Variants in TRPC4AP observed in about 807,000 individuals in gnomAD.
TRPC4AP encodes transient receptor potential cation channel subfamily C member 4 associated protein, also known as short transient receptor potential channel 4-associated protein.
In TRPC4AP, 45 loss-of-function variants were observed where a neutral mutation model predicts 99.0. The observed-to-expected ratio is 0.45, with a 90% CI of 0.36 to 0.58. The LOEUF is 0.58. Ranked by LOEUF, TRPC4AP falls within the 20% of genes least tolerant of loss-of-function variation. The pLI is 0.00. For missense variants in TRPC4AP, 879 were observed against 985.3 expected (o/e 0.89, Z 1.44); for synonymous variants, 408 against 385.8 (o/e 1.06, Z -0.67).
intron 6 of TRPC4AP, among the ~76,000 whole-genome samples, chr20:35,045,193 T>C (rs1480081481): frequency 2.0e-5 from 3 of 152,224 alleles, no homozygotes; most frequent in East Asian, 1.9e-4. Flanking sequence ...GTGTTTATTA[T>C]TCCCGTGCAT....
intron 9 of TRPC4AP, 143 bp from the exon 10 acceptor site, chr20:35,016,282 T>C (rs911577671): frequency 2.1e-6 from 2 of 936,130 alleles, no homozygotes; most frequent in African/African-American, 3.3e-5. Flanking sequence ...GAAGAAAACA[T>C]CCGTGTATCC....
chr20:35,070,512 G>C (rs1169299621), intron 2 of TRPC4AP, among the ~76,000 whole-genome samples: 1 of 151,666 alleles, frequency 6.6e-6, no homozygotes, highest in Admixed American at 6.6e-5. Flanking sequence ...CCGGGTTCAC[G>C]CCATTCTCCT....
In TRPC4AP at chr20:35,086,483, GTGTATA is replaced by G. The variant is rs1483742858; in HGVS notation, c.168+6125_168+6130del. 3.2e-3 allele frequency among the ~76,000 whole-genome samples: 371 copies of G among 117,086 alleles called. 27 individuals carry two copies. Among genetic ancestry groups the G allele is most frequent in the African/African-American group, 0.014 (350 of 25,242 alleles). 76.8% of individuals were successfully genotyped at this position (117,086 alleles called of 152,430 possible). A position where few individuals can be genotyped will look rare whatever the true frequency, so the allele number is the denominator to read the frequency against. On this transcript the variant is annotated intron_variant, in intron 1 of 18. Coordinates refer to ENST00000252015, the MANE Select transcript of TRPC4AP (RefSeq NM_015638.3). Reference sequence around the variant, plus strand: ...TGTGTGTGTGTGTGTGTGTATGTGTGTGTATATATATATGTGTATATATATGTGTGT... The same window carrying G: ...TGTGTGTGTGTGTGTGTGTATGTGTGTATATATGTGTATATATATGTGTGT...
At chr20:35,080,791 C>A (rs1487589404) in intron 1 of TRPC4AP, among the ~76,000 whole-genome samples, 1 of 111,216 alleles carries the variant, frequency 9.0e-6, no homozygotes, top group Non-Finnish European at 1.8e-5. Flanking sequence ...AAACCACTGA[C>A]TTGTACACTT....
intron 8 of TRPC4AP, among the ~76,000 whole-genome samples, chr20:35,034,649 G>A (rs2147335446): frequency 6.6e-6 from 1 of 152,250 alleles, no homozygotes; most frequent in Middle Eastern, 3.4e-3. Context: ...TTAAGGCTGG[G>A]CACCTAACCA....
intron 2 of TRPC4AP, among the ~76,000 whole-genome samples, chr20:35,077,053 C>T (rs1178190296): frequency 6.6e-6 from 1 of 152,180 alleles, no homozygotes; most frequent in African/African-American, 2.4e-5. Flanking sequence ...GGGCATGGGA[C>T]CCTCCAAGCC....
chr20:35,083,890 A>G (rs1056686378), intron 1 of TRPC4AP, among the ~76,000 whole-genome samples: 51 of 151,992 alleles, frequency 3.4e-4, no homozygotes, highest in Admixed American at 2.6e-3. Flanking sequence ...TAGCAGACCT[A>G]GTAAGCAGCT....
intron 1 of TRPC4AP, among the ~76,000 whole-genome samples, chr20:35,086,131 T>C (rs1234497023): frequency 1.3e-5 from 2 of 151,470 alleles, no homozygotes; most frequent in African/African-American, 4.9e-5. Context: ...TAATTTTTTG[T>C]ATTTTTAGTA....
intron 8 of TRPC4AP, among the ~76,000 whole-genome samples, chr20:35,026,243 G>C (rs2083028592): frequency 6.7e-6 from 1 of 150,312 alleles, no homozygotes; most frequent in East Asian, 2.0e-4. Flanking sequence ...TTGAGACAGA[G>C]TCTTGCTGTC....
intron 1 of TRPC4AP, among the ~76,000 whole-genome samples, chr20:35,086,529 G>GTATATATATA (rs1203240787): frequency 1.2e-3 from 27 of 22,852 alleles, no homozygotes; most frequent in African/African-American, 8.4e-3. Flanking sequence ...GTATATATGT[G>GTATATATATA]TGTGTGTGTG....
chr20:35,013,729 G>C (rs1451556768), intron 10 of TRPC4AP, among the ~76,000 whole-genome samples: 2 of 152,210 alleles, frequency 1.3e-5, no homozygotes, highest in South Asian at 2.1e-4. Context: ...GAGAGGTGGA[G>C]ACAAGACCTA....
intron 1 of TRPC4AP, among the ~76,000 whole-genome samples, chr20:35,084,848 T>C (rs1354031701): frequency 6.6e-6 from 1 of 151,838 alleles, no homozygotes; most frequent in African/African-American, 2.4e-5. Context: ...TACAAAAAAA[T>C]TATATAAAAC....
intron 8 of TRPC4AP, among the ~76,000 whole-genome samples, chr20:35,022,663 A>G (rs2082921173): frequency 6.6e-6 from 1 of 152,142 alleles, no homozygotes; most frequent in African/African-American, 2.4e-5. Flanking sequence ...GTTATCAGAT[A>G]TATTCAGGTA....
rs8501 is a variant in TRPC4AP, at chr20:35,002,781, T to C, written c.*365A>G. ...GGAGGCTTGGCTCACAGATGGGGGGTGGGGGTCACCCATATCTTCCTCCCC... is the reference window on the plus strand; with the variant it reads ...GGAGGCTTGGCTCACAGATGGGGGGCGGGGGTCACCCATATCTTCCTCCCC... On this transcript the variant is annotated 3_prime_UTR_variant, in exon 19 of 19. Transcript: ENST00000252015. 35,519 of 192,834 alleles carry C rather than the reference T, an allele frequency of 0.18. 3,476 individuals carry two copies. The highest frequency in any genetic ancestry group is 0.33 in the Middle Eastern group (153 of 468). 11.9% of individuals were successfully genotyped at this position (192,834 alleles called of 1,614,324 possible).
At chr20:35,038,946 T>G (rs1022013202) in intron 7 of TRPC4AP, among the ~76,000 whole-genome samples, 1 of 152,216 alleles carries the variant, frequency 6.6e-6, no homozygotes. Flanking sequence ...TGGTGGCGCA[T>G]GCCTGTAGTC....
intron 3 of TRPC4AP, among the ~76,000 whole-genome samples, chr20:35,060,011 A>C (rs1336707783): frequency 6.6e-6 from 1 of 152,138 alleles, no homozygotes; most frequent in East Asian, 1.9e-4. Flanking sequence ...AAAAAAAAAC[A>C]AACAAAAACA....
intron 16 of TRPC4AP, among the ~76,000 whole-genome samples, chr20:35,005,138 G>A (rs2082491124): frequency 6.6e-6 from 1 of 152,142 alleles, no homozygotes; most frequent in African/African-American, 2.4e-5. Context: ...AGACCCTCTG[G>A]GGCAGAAAAA....
intron 8 of TRPC4AP, among the ~76,000 whole-genome samples, chr20:35,023,363 C>T (rs2082939973): frequency 6.6e-6 from 1 of 152,082 alleles, no homozygotes; most frequent in Admixed American, 6.5e-5. Flanking sequence ...GAACATAGCC[C>T]CAAGTAAGCA....
At chr20:35,003,745 C>A in intron 17 of TRPC4AP, 129 bp from the exon 18 acceptor site, 1 of 1,009,106 alleles carries the variant, frequency 9.9e-7, no homozygotes, top group Non-Finnish European at 1.4e-6. Context: ...GCTCTCCCTG[C>A]ACAGAGGTGA....
Sources: gnomAD v4.1 joint callset for allele counts (sites outside exome capture counted in the v4.1 genomes callset) on GRCh38, gnomAD v4.1.1 for gene constraint, MANE v1.5 for transcripts, NCBI Gene and HGNC (gene_info 2026-07-23, HGNC 2026-07-21) for gene names.